Variants in MARCHF8 observed in about 807,000 individuals in gnomAD.
The protein encoded by MARCHF8 is E3 ubiquitin-protein ligase MARCHF8.
Under a neutral mutation model 51.6 loss-of-function variants are expected in MARCHF8, and 40 were observed. The observed-to-expected ratio is 0.77, with a 90% CI of 0.60 to 1.01. The LOEUF is 1.01. MARCHF8 is among the 50% of genes least tolerant of loss of function. MARCHF8 has a pLI of 0.00. For missense variants in MARCHF8, 685 were observed against 708.6 expected, an observed-to-expected ratio of 0.97 and a Z score of 0.38; for synonymous variants, 263 against 280.3, an observed-to-expected ratio of 0.94 and a Z score of 0.62.
At chr10:45,496,776 T>C (rs61611997) in intron 2 of MARCHF8, among the ~76,000 whole-genome samples, 1 of 151,642 alleles carries the variant, frequency 6.6e-6, no homozygotes, top group Non-Finnish European at 1.5e-5. Context: ...TAGAAAAATA[T>C]ATATATATAT....
intron 1 of MARCHF8, among the ~76,000 whole-genome samples, chr10:45,552,723 T>C (rs1447785513): frequency 6.6e-6 from 1 of 152,198 alleles, no homozygotes; most frequent in Non-Finnish European, 1.5e-5. Flanking sequence ...CTAAAATAGA[T>C]TAGTGAATGC....
chr10:45,559,883 A>T (rs989387914), intron 1 of MARCHF8, among the ~76,000 whole-genome samples: 14 of 152,192 alleles, frequency 9.2e-5, no homozygotes, highest in African/African-American at 3.4e-4. Context: ...CTTCAAAAAG[A>T]ATTTTAAATA....
chr10:45,464,274 G>A lies in MARCHF8; in HGVS notation c.207C>T (p.Arg69=), dbSNP rs768476811. Reference sequence around the variant, plus strand: ...CCTGGCTGGATGGCGTGATAGAAGTGCGAGAGAAGGAGGACACCGGAGCCG... The same window carrying A: ...CCTGGCTGGATGGCGTGATAGAAGTACGAGAGAAGGAGGACACCGGAGCCG... The part of the protein sequence containing the change: ...SAPAPVSSFS[R]TSITPSSQDI... Residue 69 remains arginine (R), a synonymous_variant, in exon 4 of 8, where the codon CGC becomes CGT. Transcript: ENST00000453424. 1.5e-5 allele frequency: 24 copies of A among 1,614,072 alleles called. No homozygotes were observed. In the Admixed American group the frequency reaches 2.2e-4, roughly 15 times the overall value.
Position 45,487,263 on chromosome 10 carries a change from G to C in MARCHF8, c.153+2104C>G, listed in dbSNP as rs541347941. 1.2e-3 allele frequency among the ~76,000 whole-genome samples: 176 copies of C among 152,224 alleles called. 2 individuals are homozygous for C. Among genetic ancestry groups the C allele is most frequent in the Non-Finnish European group, 2.2e-3 (148 of 68,020 alleles). On this transcript the variant is annotated intron_variant, in intron 3 of 7. Transcript: ENST00000453424. ...AGCCAGGACAATAGCCTTTCCTCTA[G>C]ACTTTTTAAGATGGTGGTTTGCAAA... is the stretch of plus-strand genomic sequence containing the variant.
At chr10:45,587,011 A>G (rs560521315) in intron 1 of MARCHF8, among the ~76,000 whole-genome samples, 30 of 152,316 alleles carry the variant, frequency 2.0e-4, no homozygotes, top group African/African-American at 6.3e-4. Context: ...TGTACCACAT[A>G]TAAGACTAAA....
At chr10:45,554,266 A>C (rs749153105) in intron 1 of MARCHF8, among the ~76,000 whole-genome samples, 60 of 152,232 alleles carry the variant, frequency 3.9e-4, no homozygotes, top group Non-Finnish European at 6.9e-4. Context: ...TTTTAGCATG[A>C]GACAAAGATA....
intron 1 of MARCHF8, among the ~76,000 whole-genome samples, chr10:45,573,372 T>C (rs1165146669): frequency 6.6e-6 from 1 of 152,134 alleles, no homozygotes; most frequent in East Asian, 1.9e-4. Flanking sequence ...TTGCAATTCC[T>C]TGCCTCCACT....
At chr10:45,529,985 T>C (rs2043851423) in intron 2 of MARCHF8, among the ~76,000 whole-genome samples, 1 of 152,168 alleles carries the variant, frequency 6.6e-6, no homozygotes, top group African/African-American at 2.4e-5. Flanking sequence ...ATACCTGTAC[T>C]CAAATATTTA....
intron 2 of MARCHF8, among the ~76,000 whole-genome samples, chr10:45,491,797 G>T (rs1246796913): frequency 6.6e-6 from 1 of 152,142 alleles, no homozygotes; most frequent in African/African-American, 2.4e-5. Flanking sequence ...ATAGGCCTTG[G>T]ATTATCTGTA....
rs557230294 is a variant in MARCHF8 at position 45,466,593 on chromosome 10, A to C, written c.154-2266T>G. ...TCCTTCAAGGGATGGCAGCAGAGGA[A>C]AGTACCTAGTCACCCTCCTCCCTTT... On this transcript the variant is annotated intron_variant, in intron 3 of 7. Coordinates refer to ENST00000453424, the MANE Select transcript of MARCHF8 (RefSeq NM_001282866.2). Among the ~76,000 whole-genome samples, 14 of 152,248 alleles carry C rather than the reference A, an allele frequency of 9.2e-5. No homozygotes were observed. The East Asian group carries it at 2.7e-3, about 29-fold the overall frequency.
At chr10:45,572,534 T>C (rs1341261018) in intron 1 of MARCHF8, among the ~76,000 whole-genome samples, 2 of 152,140 alleles carry the variant, frequency 1.3e-5, no homozygotes, top group African/African-American at 4.8e-5. Context: ...AAAACGGCAT[T>C]TTCGATTTCT....
chr10:45,529,294 T>C (rs182364856), intron 2 of MARCHF8, among the ~76,000 whole-genome samples: 7 of 152,298 alleles, frequency 4.6e-5, no homozygotes, highest in Admixed American at 3.9e-4. Flanking sequence ...TCTCTCACCA[T>C]ATACAAAAAT....
intron 1 of MARCHF8, among the ~76,000 whole-genome samples, chr10:45,579,903 C>T (rs1264214004): frequency 6.7e-6 from 1 of 148,430 alleles, no homozygotes. Context: ...ATCCCAGCTA[C>T]TCGGGAGGCT....
intron 2 of MARCHF8, among the ~76,000 whole-genome samples, chr10:45,521,346 A>T (rs926317872): frequency 3.3e-5 from 5 of 152,236 alleles, no homozygotes; most frequent in African/African-American, 1.2e-4. Flanking sequence ...TTGTTTGATG[A>T]CCTGATTTTT....
chr10:45,493,459 G>A (rs1228213328), intron 2 of MARCHF8, among the ~76,000 whole-genome samples: 1 of 152,086 alleles, frequency 6.6e-6, no homozygotes, highest in Non-Finnish European at 1.5e-5. Flanking sequence ...ACACTACCCT[G>A]GCTTTCATCT....
At chr10:45,542,341 G>A (rs1044739385) in intron 1 of MARCHF8, among the ~76,000 whole-genome samples, 9 of 79,886 alleles carry the variant, frequency 1.1e-4, no homozygotes, top group Non-Finnish European at 1.4e-4. Context: ...GCAGGACTTC[G>A]TCTCAAAAAA....
intron 2 of MARCHF8, among the ~76,000 whole-genome samples, chr10:45,511,193 G>A (rs546766024): frequency 6.6e-6 from 1 of 152,016 alleles, no homozygotes; most frequent in Non-Finnish European, 1.5e-5. Context: ...TAAAAACAAA[G>A]GTCTTTGTAT....
intron 1 of MARCHF8, among the ~76,000 whole-genome samples, chr10:45,590,113 G>C (rs1207651951): frequency 6.6e-6 from 1 of 152,124 alleles, no homozygotes; most frequent in Non-Finnish European, 1.5e-5. Context: ...AGTTTACTAA[G>C]ATGGTCACTT....
chr10:45,504,248 C>G (rs890439916), intron 2 of MARCHF8, among the ~76,000 whole-genome samples: 1 of 152,172 alleles, frequency 6.6e-6, no homozygotes, highest in South Asian at 2.1e-4. Flanking sequence ...GAGTTCAAGA[C>G]CAGCCTGACC....
Sources: allele counts gnomAD v4.1 joint callset (sites outside exome capture counted in the v4.1 genomes callset), GRCh38; gene constraint gnomAD v4.1.1; transcripts MANE v1.5; gene names NCBI Gene and HGNC (gene_info 2026-07-23, HGNC 2026-07-21).